The following THADA variants were observed in gnomAD, a reference collection of about 807,000 sequenced individuals.
THADA encodes tRNA (32-2'-O)-methyltransferase regulator THADA.
THADA carries 213 observed loss-of-function variants against 219.8 expected under a neutral mutation model. The observed-to-expected ratio is 0.97, with a 90% CI of 0.87 to 1.09. THADA has a LOEUF of 1.09. THADA is among the 50% of genes least tolerant of loss of function. The probability of loss-of-function intolerance (pLI) is 0.00; values close to 1 mark genes in which losing one functional copy is unlikely to be tolerated. For synonymous variants in THADA, 1,018 were observed against 828.9 expected (o/e 1.23, Z -3.92); for missense variants, 2,956 against 2,311.3 (o/e 1.28, Z -5.72).
intron 1 of THADA, among the ~76,000 whole-genome samples, chr2:43,593,855 G>A (rs910530464): frequency 7.2e-5 from 11 of 151,922 alleles, no homozygotes; most frequent in Admixed American, 1.3e-4. Flanking sequence ...GGATGGTCTC[G>A]ATCTCCTGAC....
chr2:43,560,494 C>T lies in THADA; in HGVS notation c.2312-109G>A, dbSNP rs1468388381. The T allele has an allele frequency of 5.5e-6, 4 of 733,512 alleles. No homozygotes were observed. In the East Asian group the frequency reaches 1.2e-4, roughly 22 times the overall value. 45.4% of individuals were successfully genotyped at this position (733,512 alleles called of 1,614,324 possible). A position where few individuals can be genotyped will look rare whatever the true frequency, so the allele number is the denominator to read the frequency against. ...AAATAAGTACCAAAAAACCACACTT[C>T]ATACTTTACCCATGATAGCTAAAAC... On this transcript the variant is annotated intron_variant, in intron 15 of 37. Transcript: ENST00000405975.
intron 28 of THADA, among the ~76,000 whole-genome samples, chr2:43,418,634 T>G (rs187477189): frequency 2.8e-4 from 43 of 152,182 alleles, no homozygotes; most frequent in African/African-American, 1.0e-3. Context: ...AACTTGTGAT[T>G]CTATATGAGT....
chr2:43,232,914 T>C, intron 36 of THADA, 32 bp from the exon 37 acceptor site: 2 of 1,588,348 alleles, frequency 1.3e-6, no homozygotes, highest in Non-Finnish European at 1.7e-6. Flanking sequence ...GAGCAATGAA[T>C]ATACTGCTCA....
intron 29 of THADA, among the ~76,000 whole-genome samples, chr2:43,390,800 G>A (rs1673281559): frequency 1.3e-5 from 2 of 152,200 alleles, no homozygotes; most frequent in Admixed American, 6.5e-5. Context: ...ACCCAGAACA[G>A]TGCCTGGCAC....
At chr2:43,522,948 G>A (rs1462819799) in intron 22 of THADA, among the ~76,000 whole-genome samples, 1 of 151,486 alleles carries the variant, frequency 6.6e-6, no homozygotes, top group Non-Finnish European at 1.5e-5. Flanking sequence ...AAAAGAATAT[G>A]GCTCCCCAAG....
intron 23 of THADA, among the ~76,000 whole-genome samples, chr2:43,507,999 T>C (rs1253019173): frequency 6.6e-6 from 1 of 152,136 alleles, no homozygotes; most frequent in African/African-American, 2.4e-5. Context: ...CATATTCTCA[T>C]ATGCAGAGAG....
At chr2:43,295,561 A>T (rs1362349001) in intron 31 of THADA, among the ~76,000 whole-genome samples, 1 of 152,248 alleles carries the variant, frequency 6.6e-6, no homozygotes, top group Admixed American at 6.5e-5. Context: ...CCAAGATGTT[A>T]ACAAGTTTAT....
intron 36 of THADA, among the ~76,000 whole-genome samples, chr2:43,236,789 C>T (rs987353795): frequency 6.0e-5 from 9 of 150,314 alleles, no homozygotes; most frequent in Admixed American, 3.3e-4. Context: ...GGGCCGGGCA[C>T]GGTGGCTCAC....
chr2:43,523,629 C>T (rs1375525967), intron 22 of THADA, among the ~76,000 whole-genome samples: 7 of 152,092 alleles, frequency 4.6e-5, no homozygotes, highest in Admixed American at 1.3e-4. Context: ...AGTTTAAATA[C>T]ATATTTAAAT....
intron 20 of THADA, among the ~76,000 whole-genome samples, chr2:43,545,336 T>TC (rs1574184543): frequency 6.6e-6 from 1 of 151,932 alleles, no homozygotes; most frequent in Admixed American, 6.6e-5. Context: ...TATAATTCTC[T>TC]TTTTTGGTTG....
At chr2:43,593,609 GATTT>G (rs1701811608) in intron 1 of THADA, among the ~76,000 whole-genome samples, 1 of 149,030 alleles carries the variant, frequency 6.7e-6, no homozygotes, top group South Asian at 2.1e-4. Context: ...AAAGGGAATA[GATTT>G]ATTTGTCTAC....
chr2:43,297,528 G>A (rs1160911735), intron 31 of THADA, among the ~76,000 whole-genome samples: 5 of 110,732 alleles, frequency 4.5e-5, no homozygotes, highest in African/African-American at 9.3e-5. Flanking sequence ...CCGGCCAGCC[G>A]TGCCGTCCGG....
Position 43,279,846 on chromosome 2 carries a change from T to A in THADA, c.5215A>T (p.Ser1739Cys). 6.4e-7 allele frequency: 1 copy of A among 1,569,040 alleles called. No individual in the cohort carries two copies. Among genetic ancestry groups the A allele is most frequent in the South Asian group, 1.2e-5 (1 of 84,030 alleles). The change falls in exon 36 of 38, where the codon AGT (serine) becomes TGT (cysteine). Residue 1739 changes from serine to cysteine, a missense_variant. Transcript: ENST00000405975. Reference protein sequence around the residue: ...LWKCVLTLLQSEEQAVRDAAT... With the variant: ...LWKCVLTLLQCEEQAVRDAAT... ...GCATCTCTAACAGCTTGCTCCTCACTCTGCAGAAGGGTAAGGACACACTTC... is the reference window on the plus strand; with the variant it reads ...GCATCTCTAACAGCTTGCTCCTCACACTGCAGAAGGGTAAGGACACACTTC...
intron 30 of THADA, among the ~76,000 whole-genome samples, chr2:43,326,297 G>A (rs1458588309): frequency 6.6e-6 from 1 of 152,136 alleles, no homozygotes; most frequent in Non-Finnish European, 1.5e-5. Context: ...GGTGAGTCAG[G>A]AAGGGCCTTG....
At chr2:43,350,433 T>C (rs1259562459) in intron 29 of THADA, among the ~76,000 whole-genome samples, 3 of 152,346 alleles carry the variant, frequency 2.0e-5, no homozygotes, top group East Asian at 3.9e-4. Context: ...CAATACAGTA[T>C]GTCATTTGCA....
At chr2:43,508,844 A>T in intron 22 of THADA, 64 bp from the exon 23 acceptor site, 1 of 1,510,140 alleles carries the variant, frequency 6.6e-7, no homozygotes, top group Non-Finnish European at 9.1e-7. Flanking sequence ...CAAACTATTG[A>T]TGCACATTTA....
At chr2:43,251,918 C>T (rs1364817415) in intron 36 of THADA, among the ~76,000 whole-genome samples, 1 of 152,182 alleles carries the variant, frequency 6.6e-6, no homozygotes, top group African/African-American at 2.4e-5. Flanking sequence ...TCATCTTTTC[C>T]GTGTTTCTTC....
chr2:43,334,106 C>T (rs1666107544), intron 30 of THADA, among the ~76,000 whole-genome samples: 1 of 152,216 alleles, frequency 6.6e-6, no homozygotes, highest in Non-Finnish European at 1.5e-5. Flanking sequence ...TCTCTATAAG[C>T]ATATTTTCCT....
chr2:43,551,790 T>C lies in THADA; in HGVS notation c.2946A>G (p.Ser982=). The C allele has an allele frequency of 6.2e-7, 1 of 1,611,418 alleles. No homozygotes were observed. The highest frequency in any genetic ancestry group is 8.5e-7 in the Non-Finnish European group (1 of 1,178,986). ...AGCCGGCCTTCTTCATTTGCTAACC[T>C]GAATCAGTGTCCATTGGGATGAGGC... is the stretch of plus-strand genomic sequence containing the variant. The part of the protein sequence containing the change: ...PEGLIPMDTD[S]ESASRLQMIL... The change falls in exon 19 of 38, where the codon TCA becomes TCG. Residue 982 remains serine (S), a splice_region_variant and synonymous_variant. Coordinates refer to ENST00000405975, the MANE Select transcript of THADA (RefSeq NM_022065.5).
Sources: allele counts gnomAD v4.1 joint callset (sites outside exome capture counted in the v4.1 genomes callset), GRCh38; gene constraint gnomAD v4.1.1; transcripts MANE v1.5; gene names NCBI Gene and HGNC (gene_info 2026-07-23, HGNC 2026-07-21).